SHE: variants seen among roughly 807,000 people sequenced by gnomAD.
SHE encodes the protein Src homology 2 domain containing E, also known as SH2 domain-containing adapter protein E.
Under a neutral mutation model 49.8 loss-of-function variants are expected in SHE, and 11 were observed. The observed-to-expected ratio is 0.22, with a 90% CI of 0.14 to 0.37. SHE has a LOEUF of 0.37. SHE is among the 10% of genes least tolerant of loss of function. The pLI, the probability that SHE is intolerant of heterozygous loss-of-function variation, is 1.00. For missense variants in SHE, 624 were observed against 655.5 expected (o/e 0.95, Z 0.52); for synonymous variants, 310 against 278.1 (o/e 1.11, Z -1.14).
intron 2 of SHE, among the ~76,000 whole-genome samples, chr1:154,498,832 C>T (rs189878271): frequency 6.6e-6 from 1 of 152,310 alleles, no homozygotes; most frequent in East Asian, 1.9e-4. Context: ...AACTGAACAT[C>T]ATATTCTGAG....
intron 4 of SHE, 97 bp downstream of exon 4, chr1:154,486,430 C>A: frequency 2.7e-6 from 4 of 1,499,676 alleles, no homozygotes; most frequent in Non-Finnish European, 3.6e-6. Context: ...TGTTCATTAA[C>A]AAAAATAATC....
intron 1 of SHE, 30 bp from the exon 2 acceptor site, chr1:154,499,268 A>G (rs1692634104): frequency 1.2e-6 from 2 of 1,604,876 alleles, no homozygotes; most frequent in African/African-American, 1.3e-5. Context: ...GACAGTTGCT[A>G]AGGGCCACCG....
intron 1 of SHE, among the ~76,000 whole-genome samples, chr1:154,499,533 G>C (rs1033219281): frequency 2.0e-5 from 3 of 152,042 alleles, no homozygotes; most frequent in Non-Finnish European, 2.9e-5. Flanking sequence ...AGGGTGGCAG[G>C]GGTGGATGTG....
At chr1:154,489,997 T>C (rs1403964755) in intron 2 of SHE, among the ~76,000 whole-genome samples, 2 of 152,248 alleles carry the variant, frequency 1.3e-5, no homozygotes, top group Non-Finnish European at 2.9e-5. Flanking sequence ...GTACAATTTC[T>C]ACTGAATGCA....
Position 154,480,273 on chromosome 1 carries a change from GA to G in SHE, c.*3875del. 1.0e-6 allele frequency: 1 copy of G among 985,460 alleles called. No individual in the cohort carries two copies. The highest frequency in any genetic ancestry group is 1.2e-6 in the Non-Finnish European group (1 of 829,950). The allele number at this position is 985,460 out of a possible 1,614,324, so 61.0% of individuals were successfully genotyped here. A position where few individuals can be genotyped will look rare whatever the true frequency, so the allele number is the denominator to read the frequency against. ...CCTGCTGAGTGTCAAGGGGTGCGGG[GA>G]AGGGAAATGAAATCGACATCACTGC... On this transcript the variant is annotated 3_prime_UTR_variant, in exon 6 of 6. Transcript: ENST00000304760.
chr1:154,477,318 T>A (rs575730586), downstream of SHE, among the ~76,000 whole-genome samples: 13 of 152,286 alleles, frequency 8.5e-5, 1 homozygote, highest in East Asian at 2.5e-3. Flanking sequence ...ACTGGCATTT[T>A]TGTGTGTGTG....
chr1:154,473,899 A>G (rs1214286565), intron 1 of SHE, among the ~76,000 whole-genome samples: 1 of 152,160 alleles, frequency 6.6e-6, no homozygotes, highest in East Asian at 1.9e-4. Flanking sequence ...TGTGGCTGCC[A>G]TGTAAGTATT....
Position 154,489,204 on chromosome 1 carries a change from CG to C in SHE, c.870del (p.Tyr290Ter). On this transcript the variant is annotated frameshift_variant, in exon 3 of 6. Coordinates refer to ENST00000304760, the MANE Select transcript of SHE (RefSeq NM_001010846.3). LOFTEE classifies it high-confidence loss of function. ...KDLLGKPPQL[Y>X]DTPYEPAEGG... is the part of the protein sequence containing the mutation. ...CCTTCTGCAGGCTCGTAGGGAGTGT[CG>C]TATAGCTGTGGCGGCTTCCCCAGGA... The C allele has an allele frequency of 6.2e-7, 1 of 1,614,174 alleles. No homozygotes were observed. The highest frequency in any genetic ancestry group is 8.5e-7 in the Non-Finnish European group (1 of 1,180,028).
At chr1:154,498,235 G>C (rs1692597148) in intron 2 of SHE, among the ~76,000 whole-genome samples, 1 of 151,328 alleles carries the variant, frequency 6.6e-6, no homozygotes, top group Non-Finnish European at 1.5e-5. Flanking sequence ...TGGGATTACA[G>C]GCATGCGCCA....
At position 154,479,614 on chromosome 1, in the gene SHE, C is replaced by CTA; in HGVS notation, c.*4533_*4534dup. 5.2e-6 allele frequency: 5 copies of CTA among 963,494 alleles called. No individual in the cohort carries two copies. The highest frequency in any genetic ancestry group is 6.2e-6 in the Non-Finnish European group (5 of 810,010). The allele number at this position is 963,494 out of a possible 1,614,324, so 59.7% of individuals were successfully genotyped here. A position where few individuals can be genotyped will look rare whatever the true frequency, so the allele number is the denominator to read the frequency against. Reference sequence around the variant, plus strand: ...ATTTCTGATTTAAATTACTAAGGCACTATAGATAGACACCTATATTACATA... The same window carrying CTA: ...ATTTCTGATTTAAATTACTAAGGCACTATATAGATAGACACCTATATTACATA... On this transcript the variant is annotated 3_prime_UTR_variant, in exon 6 of 6. Transcript: ENST00000304760.
At chr1:154,500,591 C>T (rs2149301147) in intron 1 of SHE, among the ~76,000 whole-genome samples, 1 of 152,286 alleles carries the variant, frequency 6.6e-6, no homozygotes, top group South Asian at 2.1e-4. Flanking sequence ...TCGATTTGAG[C>T]TCTTCTCTCT....
chr1:154,499,068 A>C (rs1460530888), intron 2 of SHE, 44 bp downstream of exon 2: 11 of 1,603,420 alleles, frequency 6.9e-6, no homozygotes, highest in African/African-American at 2.7e-5. Context: ...ACACTCACTG[A>C]GTGTGAGATT....
downstream of SHE, among the ~76,000 whole-genome samples, chr1:154,478,742 C>A (rs1691946441): frequency 6.6e-6 from 1 of 152,202 alleles, no homozygotes. Flanking sequence ...CGTGTTCAAT[C>A]TGAATTCTGA....
chr1:154,478,793 C>T (rs1223273841), downstream of SHE, among the ~76,000 whole-genome samples: 2 of 152,170 alleles, frequency 1.3e-5, no homozygotes, highest in Non-Finnish European at 2.9e-5. Context: ...GTGGCGGGAG[C>T]ATTTCTTAAT....
chr1:154,482,562 G>A lies in SHE; in HGVS notation c.*1587C>T. On this transcript the variant is annotated 3_prime_UTR_variant, in exon 6 of 6. Coordinates refer to ENST00000304760, the MANE Select transcript of SHE (RefSeq NM_001010846.3). ...AAAGGTTAACTTTTCATTGATGACA[G>A]TCAGTACATTTGCATATGGGGCAGT... The A allele has an allele frequency of 1.0e-6, 1 of 985,416 alleles. No individual in the cohort carries two copies. The highest frequency in any genetic ancestry group is 1.2e-6 in the Non-Finnish European group (1 of 829,936). 61.0% of individuals were successfully genotyped at this position (985,416 alleles called of 1,614,324 possible).
intron 2 of SHE, among the ~76,000 whole-genome samples, chr1:154,495,651 T>C (rs750226163): frequency 6.6e-6 from 1 of 152,048 alleles, no homozygotes; most frequent in Non-Finnish European, 1.5e-5. Context: ...TGTTTCCCCC[T>C]TAGGCTGTGA....
chr1:154,494,731 T>C (rs1438577231), intron 2 of SHE, among the ~76,000 whole-genome samples: 1 of 152,228 alleles, frequency 6.6e-6, no homozygotes, highest in Non-Finnish European at 1.5e-5. Context: ...TTAATCTTTC[T>C]GAACCTAGGT....
intron 1 of SHE, among the ~76,000 whole-genome samples, chr1:154,473,644 A>C (rs997384535): frequency 1.3e-5 from 2 of 151,888 alleles, no homozygotes; most frequent in African/African-American, 4.8e-5. Flanking sequence ...CTCTACTAAA[A>C]ATACAAAAAA....
Position 154,482,252 on chromosome 1 carries a change from G to T in SHE, c.*1897C>A. 1.1e-6 allele frequency: 1 copy of T among 887,480 alleles called. No individual in the cohort carries two copies. Among genetic ancestry groups the T allele is most frequent in the African/African-American group, 1.8e-5 (1 of 55,258 alleles). The allele number at this position is 887,480 out of a possible 1,614,324, so 55.0% of individuals were successfully genotyped here. ...TGGTCTCAAACTCCTGACCTCACGT[G>T]ATCTGCCTGCCTCAGCCTCCCAAAT... On this transcript the variant is annotated 3_prime_UTR_variant, in exon 6 of 6. Coordinates refer to ENST00000304760, the MANE Select transcript of SHE (RefSeq NM_001010846.3).
Sources: gnomAD v4.1 joint callset for allele counts (sites outside exome capture counted in the v4.1 genomes callset) on GRCh38, gnomAD v4.1.1 for gene constraint, MANE v1.5 for transcripts, NCBI Gene and HGNC (gene_info 2026-07-23, HGNC 2026-07-21) for gene names.